TRDN: variants seen among roughly 807,000 people sequenced by gnomAD.
The protein encoded by TRDN is triadin.
Under a neutral mutation model 149.7 loss-of-function variants are expected in TRDN, and 161 were observed. That is an observed-to-expected ratio of 1.08 (90% CI 0.95 to 1.23). TRDN has a LOEUF of 1.23. TRDN is among the 50% of genes most tolerant of loss of function. The pLI is 0.00. For missense variants in TRDN, 896 were observed against 823.5 expected, an observed-to-expected ratio of 1.09 and a Z score of -1.08; for synonymous variants, 294 against 250.5, an observed-to-expected ratio of 1.17 and a Z score of -1.64.
intron 21 of TRDN, chr6:123,351,192 G>A (rs1434526303): frequency 2.0e-6 from 2 of 983,688 alleles, no homozygotes; most frequent in African/African-American, 1.7e-5. Flanking sequence ...TGTCATCTGT[G>A]TTGAAATTGA....
chr6:123,606,604 T>C (rs1197731025), intron 1 of TRDN, among the ~76,000 whole-genome samples: 2 of 152,170 alleles, frequency 1.3e-5, no homozygotes, highest in Non-Finnish European at 2.9e-5. Flanking sequence ...TACTCATATA[T>C]GGTAGAAACA....
intron 24 of TRDN, among the ~76,000 whole-genome samples, chr6:123,281,893 G>A (rs1459891713): frequency 6.6e-6 from 1 of 151,980 alleles, no homozygotes; most frequent in Admixed American, 6.6e-5. Flanking sequence ...TCCATTAGAA[G>A]CTGACTTCTG....
intron 23 of TRDN, among the ~76,000 whole-genome samples, chr6:123,327,816 T>C (rs1582877443): frequency 2.6e-5 from 4 of 152,168 alleles, no homozygotes; most frequent in East Asian, 1.9e-4. Context: ...ATACCTTTTC[T>C]CCATTGGTAC....
chr6:123,568,318 A>C (rs773671540), intron 2 of TRDN, among the ~76,000 whole-genome samples: 2 of 152,326 alleles, frequency 1.3e-5, no homozygotes, highest in East Asian at 3.9e-4. Flanking sequence ...TTCTAGGTGC[A>C]GGGTGGAAGC....
At chr6:123,341,052 A>C (rs1216745124) in intron 21 of TRDN, among the ~76,000 whole-genome samples, 1 of 151,918 alleles carries the variant, frequency 6.6e-6, no homozygotes, top group African/African-American at 2.4e-5. Context: ...AATATATTTT[A>C]TAATATTTTC....
intron 36 of TRDN, 31 bp from the exon 37 acceptor site, chr6:123,255,156 T>G (rs1179290052): frequency 2.0e-6 from 2 of 1,025,122 alleles, no homozygotes; most frequent in Non-Finnish European, 2.8e-6. Flanking sequence ...AATTAAAATA[T>G]AAATTTTTAA....
chr6:123,259,574 T>C, intron 35 of TRDN, 50 bp downstream of exon 35: 1 of 1,295,486 alleles, frequency 7.7e-7, no homozygotes, highest in Non-Finnish European at 1.1e-6. Context: ...TTTTTGTTCC[T>C]CTGTTTTTGT....
At chr6:123,594,768 A>G (rs1389712370) in intron 1 of TRDN, among the ~76,000 whole-genome samples, 2 of 152,002 alleles carry the variant, frequency 1.3e-5, no homozygotes, top group African/African-American at 2.4e-5. Context: ...ATGCATTTTA[A>G]TATATTTTTA....
At chr6:123,537,800 T>C (rs1476770349) in intron 4 of TRDN, among the ~76,000 whole-genome samples, 1 of 152,178 alleles carries the variant, frequency 6.6e-6, no homozygotes, top group Non-Finnish European at 1.5e-5. Flanking sequence ...TTCCTGTGAA[T>C]GAGCTGATTT....
chr6:123,398,398 A>G (rs1772821792), intron 12 of TRDN, among the ~76,000 whole-genome samples: 1 of 152,252 alleles, frequency 6.6e-6, no homozygotes, highest in African/African-American at 2.4e-5. Flanking sequence ...TTATTAATTC[A>G]GCAGCTAAAA....
At chr6:123,561,459 C>T (rs1781996048) in intron 2 of TRDN, among the ~76,000 whole-genome samples, 6 of 152,108 alleles carry the variant, frequency 3.9e-5, no homozygotes, top group Admixed American at 3.9e-4. Flanking sequence ...CCTGCATGGA[C>T]ACTCCTTTTT....
intron 24 of TRDN, among the ~76,000 whole-genome samples, chr6:123,313,528 C>T (rs1264815798): frequency 1.3e-5 from 2 of 151,816 alleles, no homozygotes; most frequent in Non-Finnish European, 2.9e-5. Flanking sequence ...CATAGGGCTT[C>T]TGTAGTTTGC....
At chr6:123,586,382 T>G (rs1783485587) in intron 1 of TRDN, among the ~76,000 whole-genome samples, 4 of 149,874 alleles carry the variant, frequency 2.7e-5, no homozygotes, top group Admixed American at 2.7e-4. Context: ...AAAGGAAGAG[T>G]AGAAAGACTC....
intron 1 of TRDN, among the ~76,000 whole-genome samples, chr6:123,635,206 A>G (rs1195783909): frequency 6.6e-6 from 1 of 151,956 alleles, no homozygotes; most frequent in Non-Finnish European, 1.5e-5. Context: ...AAGGCAAACT[A>G]AAAGCAACAT....
intron 21 of TRDN, among the ~76,000 whole-genome samples, chr6:123,339,316 TTTTTTGTTTTTG>T (rs781274290): frequency 6.6e-6 from 1 of 152,096 alleles, no homozygotes; most frequent in Non-Finnish European, 1.5e-5. Flanking sequence ...TGTATTAGGT[TTTTTTGTTTTTG>T]TTTTTGTTTT....
At chr6:123,402,314 A>C (rs1400525688) in intron 12 of TRDN, among the ~76,000 whole-genome samples, 1 of 152,192 alleles carries the variant, frequency 6.6e-6, no homozygotes, top group Non-Finnish European at 1.5e-5. Context: ...ACCACGTCCA[A>C]ATAAGGCAAA....
intron 21 of TRDN, among the ~76,000 whole-genome samples, chr6:123,341,622 G>A (rs564416660): frequency 6.9e-4 from 105 of 151,940 alleles, no homozygotes; most frequent in South Asian, 2.5e-3. Context: ...TTGTCAGTAC[G>A]TGAAGACTGT....
intron 39 of TRDN, among the ~76,000 whole-genome samples, chr6:123,222,870 A>C (rs571432418): frequency 6.6e-6 from 1 of 151,906 alleles, no homozygotes. Context: ...GAAGACATAC[A>C]TTCAATCAAC....
At chr6:123,273,998 C>A (rs1042524249) in intron 27 of TRDN, among the ~76,000 whole-genome samples, 2 of 151,948 alleles carry the variant, frequency 1.3e-5, no homozygotes, top group African/African-American at 2.4e-5. Context: ...AATGGGGGTA[C>A]CCAGGGTTTG....
Sources: allele counts gnomAD v4.1 joint callset (sites outside exome capture counted in the v4.1 genomes callset), GRCh38; gene constraint gnomAD v4.1.1; transcripts MANE v1.5; gene names NCBI Gene and HGNC (gene_info 2026-07-23, HGNC 2026-07-21).